ZCWPW2: variants seen among roughly 807,000 people sequenced by gnomAD.
ZCWPW2 encodes the protein zinc finger CW-type PWWP domain protein 2.
Under a neutral mutation model 46.6 loss-of-function variants are expected in ZCWPW2, and 45 were observed. That is an observed-to-expected ratio of 0.96 (90% CI 0.76 to 1.24). The LOEUF is 1.24. Among genes scored for constraint, ZCWPW2 ranks in the 50% most tolerant of loss-of-function variants. The probability of loss-of-function intolerance (pLI) is 0.00; values close to 1 mark genes in which losing one functional copy is unlikely to be tolerated. For synonymous variants in ZCWPW2, 152 were observed against 137.1 expected, an observed-to-expected ratio of 1.11 and a Z score of -0.76; for missense variants, 429 against 403.9, an observed-to-expected ratio of 1.06 and a Z score of -0.53.
chr3:28,450,369 A>T (rs897898084), intron 4 of ZCWPW2, among the ~76,000 whole-genome samples: 4 of 152,160 alleles, frequency 2.6e-5, no homozygotes, highest in African/African-American at 9.7e-5. Flanking sequence ...CACAACGTTG[A>T]GGTCATTCTT....
At chr3:28,474,829 TTGTTGTTG>T (rs1290027038) in intron 4 of ZCWPW2, among the ~76,000 whole-genome samples, 3 of 151,220 alleles carry the variant, frequency 2.0e-5, no homozygotes, top group African/African-American at 7.3e-5. Context: ...GTTGTTGTTG[TTGTTGTTG>T]TTGTTTGTTT....
intron 1 of ZCWPW2, among the ~76,000 whole-genome samples, chr3:28,384,470 T>C (rs566801475): frequency 4.6e-5 from 7 of 152,188 alleles, no homozygotes; most frequent in Non-Finnish European, 1.0e-4. Flanking sequence ...GTATTCTGGG[T>C]ATTAATTCAT....
At chr3:28,437,829 C>T (rs1002241024) in intron 4 of ZCWPW2, among the ~76,000 whole-genome samples, 4 of 152,156 alleles carry the variant, frequency 2.6e-5, no homozygotes, top group Admixed American at 6.6e-5. Context: ...TGAAAGTATT[C>T]AGAGATGGGA....
In ZCWPW2 at chr3:28,413,252, A is replaced by C. The variant is rs1282483760; in HGVS notation, c.184A>C (p.Met62Leu). 6.2e-7 allele frequency: 1 copy of C among 1,613,396 alleles called. No homozygotes were observed. Among genetic ancestry groups the C allele is most frequent in the Admixed American group, 1.7e-5 (1 of 59,912 alleles). Residue 62 changes from methionine to leucine, a missense_variant, in exon 3 of 10, where the codon ATG becomes CTG. Physicochemically the swap from Met to Leu is conservative, Grantham distance 15. Transcript: ENST00000383768. ...VDHDEPWYCF[M>L]NTDSRYNNCS... ...TCATGATGAACCATGGTACTGCTTC[A>C]TGAACACTGATTCAAGATATAATAA...
At chr3:28,430,982 C>G (rs1159986606) in intron 3 of ZCWPW2, among the ~76,000 whole-genome samples, 1 of 152,140 alleles carries the variant, frequency 6.6e-6, no homozygotes, top group South Asian at 2.1e-4. Flanking sequence ...TGAGAATGAA[C>G]TAATACAAGT....
At chr3:28,388,799 C>T (rs1695376952) in intron 1 of ZCWPW2, among the ~76,000 whole-genome samples, 1 of 152,156 alleles carries the variant, frequency 6.6e-6, no homozygotes, top group Admixed American at 6.5e-5. Context: ...TAACCCAGTC[C>T]TTCATTCTTG....
At chr3:28,430,295 T>G (rs1335719664) in intron 3 of ZCWPW2, among the ~76,000 whole-genome samples, 2 of 152,218 alleles carry the variant, frequency 1.3e-5, no homozygotes, top group African/African-American at 4.8e-5. Context: ...ATTTCAAAGC[T>G]TTATGATTTG....
At chr3:28,461,179 A>T (rs1267360133) in intron 4 of ZCWPW2, 1 of 159,698 alleles carries the variant, frequency 6.3e-6, no homozygotes, top group East Asian at 1.7e-4. Flanking sequence ...TTATATTTGC[A>T]GTTAGCTTTA....
intron 4 of ZCWPW2, among the ~76,000 whole-genome samples, chr3:28,448,558 A>C (rs1698086322): frequency 6.6e-6 from 1 of 151,766 alleles, no homozygotes; most frequent in Non-Finnish European, 1.5e-5. Context: ...GCTGAGGAGG[A>C]TGTAACACTT....
chr3:28,413,072 G>T lies in ZCWPW2; in HGVS notation c.4G>T (p.Asp2Tyr), dbSNP rs757202829. 1 of 1,605,992 alleles carries T rather than the reference G, an allele frequency of 6.2e-7. No individual in the cohort carries two copies. Among genetic ancestry groups the T allele is most frequent in the East Asian group, 2.2e-5 (1 of 44,748 alleles). M[D>Y]KEKLDVKIEY... Reference sequence around the variant, plus strand: ...ATTTTCCAGATTAAATGCCTTAATGGATAAAGAAAAATTGGATGTTAAGAT... The same window carrying T: ...ATTTTCCAGATTAAATGCCTTAATGTATAAAGAAAAATTGGATGTTAAGAT... Residue 2 changes from aspartate to tyrosine, a missense_variant, in exon 3 of 10, where the codon GAT becomes TAT. Asp to Tyr is a radical substitution (Grantham distance 160). Coordinates refer to ENST00000383768, the MANE Select transcript of ZCWPW2 (RefSeq NM_001040432.4).
At chr3:28,445,852 C>T (rs928145758) in intron 4 of ZCWPW2, among the ~76,000 whole-genome samples, 6 of 152,032 alleles carry the variant, frequency 3.9e-5, no homozygotes, top group African/African-American at 7.2e-5. Context: ...AAAGATGTTC[C>T]GTGCAAATAG....
intron 6 of ZCWPW2, among the ~76,000 whole-genome samples, chr3:28,499,670 A>T (rs1161076633): frequency 6.6e-6 from 1 of 151,900 alleles, no homozygotes; most frequent in Non-Finnish European, 1.5e-5. Flanking sequence ...CCCATTTGTC[A>T]ATTTTGGCTT....
At chr3:28,495,752 G>GAA (rs1002989804) in intron 6 of ZCWPW2, among the ~76,000 whole-genome samples, 1 of 151,870 alleles carries the variant, frequency 6.6e-6, no homozygotes, top group East Asian at 1.9e-4. Flanking sequence ...ATAGACTGGG[G>GAA]AAAAAACTGA....
intron 4 of ZCWPW2, among the ~76,000 whole-genome samples, chr3:28,436,669 G>C (rs1697514807): frequency 6.6e-6 from 1 of 151,982 alleles, no homozygotes; most frequent in African/African-American, 2.4e-5. Context: ...CAGGTAAGAG[G>C]GAAGGCTGTT....
chr3:28,408,472 AGT>A (rs760332423), intron 2 of ZCWPW2, among the ~76,000 whole-genome samples: 10 of 152,176 alleles, frequency 6.6e-5, no homozygotes, highest in Non-Finnish European at 1.0e-4. Flanking sequence ...AATTTTCTAA[AGT>A]AACTTTATTT....
At chr3:28,372,481 TAGAA>T (rs1216587391) in intron 1 of ZCWPW2, among the ~76,000 whole-genome samples, 1 of 152,174 alleles carries the variant, frequency 6.6e-6, no homozygotes, top group African/African-American at 2.4e-5. Context: ...TTTCTTCAAT[TAGAA>T]AGGTTTAAAA....
intron 1 of ZCWPW2, among the ~76,000 whole-genome samples, chr3:28,352,161 C>CAA (rs1553627183): frequency 6.8e-5 from 10 of 147,586 alleles, no homozygotes; most frequent in Admixed American, 1.4e-4. Flanking sequence ...CACACACACA[C>CAA]ACACACGAGA....
chr3:28,385,714 A>G (rs918210651), intron 1 of ZCWPW2, among the ~76,000 whole-genome samples: 17 of 152,154 alleles, frequency 1.1e-4, no homozygotes. Context: ...TTTGTAGGAC[A>G]TCATATCTTT....
chr3:28,477,047 C>G (rs751041451), intron 4 of ZCWPW2, among the ~76,000 whole-genome samples: 4 of 152,154 alleles, frequency 2.6e-5, no homozygotes, highest in Admixed American at 6.5e-5. Flanking sequence ...ATTATAGCAA[C>G]TGTTCCTACA....
Sources: allele counts gnomAD v4.1 joint callset (sites outside exome capture counted in the v4.1 genomes callset), GRCh38; gene constraint gnomAD v4.1.1; transcripts MANE v1.5; gene names NCBI Gene and HGNC (gene_info 2026-07-23, HGNC 2026-07-21).